Variants in MAGI2 observed in about 807,000 individuals in gnomAD.
MAGI2 encodes membrane associated guanylate kinase, WW and PDZ domain containing 2.
In MAGI2, 35 loss-of-function variants were observed where a neutral mutation model predicts 133.3. The ratio of observed to expected loss-of-function variants is 0.26; its 90% CI spans 0.20 to 0.35. The LOEUF (loss-of-function observed/expected upper bound fraction) is 0.35, where lower values mean the gene tolerates loss of function less well. Ranked by LOEUF, MAGI2 falls within the 10% of genes least tolerant of loss-of-function variation. The probability of loss-of-function intolerance (pLI) is 1.00; values close to 1 mark genes in which losing one functional copy is unlikely to be tolerated. For missense variants in MAGI2, 1,636 were observed against 1,863.4 expected, an observed-to-expected ratio of 0.88 and a Z score of 2.25; for synonymous variants, 729 against 710.6, an observed-to-expected ratio of 1.03 and a Z score of -0.41.
intron 1 of MAGI2, among the ~76,000 whole-genome samples, chr7:79,133,809 C>T (rs1039551321): frequency 6.6e-6 from 1 of 152,170 alleles, no homozygotes; most frequent in African/African-American, 2.4e-5. Context: ...GATACCCGCT[C>T]AAAGTGAGCA....
chr7:78,885,433 A>G (rs749805242), intron 2 of MAGI2, among the ~76,000 whole-genome samples: 1 of 152,184 alleles, frequency 6.6e-6, no homozygotes, highest in Non-Finnish European at 1.5e-5. Flanking sequence ...GATCCTTTCA[A>G]TGTGTCTTAC....
At chr7:79,010,790 T>G (rs1808004800) in intron 1 of MAGI2, 2 of 152,136 alleles carry the variant, frequency 1.3e-5, no homozygotes, top group African/African-American at 4.8e-5. Flanking sequence ...AAATTTTATT[T>G]CCTGTATTTT....
intron 11 of MAGI2, 149 bp downstream of exon 11, chr7:78,201,013 A>G (rs1219129749): frequency 7.0e-6 from 4 of 567,968 alleles, no homozygotes; most frequent in Non-Finnish European, 1.2e-5. Context: ...GGACAGATAC[A>G]AGACAAAAGG....
chr7:78,782,517 C>T (rs891133864), intron 2 of MAGI2, among the ~76,000 whole-genome samples: 6 of 151,942 alleles, frequency 3.9e-5, no homozygotes, highest in Non-Finnish European at 7.4e-5. Flanking sequence ...TTTAGGGATC[C>T]CCTAGGGCAT....
chr7:78,506,735 A>G (rs188240352), intron 4 of MAGI2, among the ~76,000 whole-genome samples: 12 of 152,218 alleles, frequency 7.9e-5, no homozygotes, highest in African/African-American at 2.7e-4. Flanking sequence ...ACTGGCTGCC[A>G]GTTACGGCAG....
At chr7:78,165,985 G>T (rs1825584364) in intron 15 of MAGI2, among the ~76,000 whole-genome samples, 1 of 152,152 alleles carries the variant, frequency 6.6e-6, no homozygotes, top group Admixed American at 6.5e-5. Context: ...GGAAGAGTGG[G>T]CTGAATAAAC....
At chr7:79,264,210 T>C (rs902253483) in intron 1 of MAGI2, among the ~76,000 whole-genome samples, 8 of 152,238 alleles carry the variant, frequency 5.3e-5, no homozygotes, top group Admixed American at 3.9e-4. Context: ...TTGTGGCTGC[T>C]GTTTTAGATA....
intron 2 of MAGI2, among the ~76,000 whole-genome samples, chr7:78,926,285 A>G (rs1799686230): frequency 6.6e-6 from 1 of 152,008 alleles, no homozygotes; most frequent in African/African-American, 2.4e-5. Context: ...TTCTCTCCCC[A>G]TTTCCAGAAC....
In MAGI2 at chr7:78,190,443, G is replaced by T. The variant is rs73703718; in HGVS notation, c.2269+4431C>A. ...TAATGATGATTATTCCTTGAATAGAGTATATAAAAAAGGAAAATTTTATAA... is the reference window on the plus strand; with the variant it reads ...TAATGATGATTATTCCTTGAATAGATTATATAAAAAAGGAAAATTTTATAA... On this transcript the variant is annotated intron_variant, in intron 12 of 21. Coordinates refer to ENST00000354212, the MANE Select transcript of MAGI2 (RefSeq NM_012301.4). Among the ~76,000 whole-genome samples the T allele has an allele frequency of 4.0e-3, 609 of 152,234 alleles. 1 individual carries two copies. The highest frequency in any genetic ancestry group is 0.014 in the African/African-American group (578 of 41,550).
At position 78,343,845 on chromosome 7, in the gene MAGI2, A is replaced by C; in HGVS notation, c.1341T>G (p.Asp447Glu). 3 of 1,613,066 alleles carry C rather than the reference A, an allele frequency of 1.9e-6. No homozygotes were observed. The highest frequency in any genetic ancestry group is 2.5e-6 in the Non-Finnish European group (3 of 1,179,626). The change falls in exon 9 of 22, where the codon GAT becomes GAG. Residue 447 changes from aspartate to glutamate, a missense_variant. Physicochemically the swap from Asp to Glu is conservative, Grantham distance 45 (BLOSUM62 2). Around this residue, in one of 5 missense-constraint regions of MAGI2, gnomAD observed 920 missense variants for 1,093.5 expected, o/e 0.84. Transcript: ENST00000354212. ...GFTIIGGDEP[D>E]EFLQVKSVIP... ...TCACACTTTTCACCTGCAGAAACTC[A>C]TCAGGCTCGTCTCCACCAATGATGG...
At chr7:78,155,680 G>A (rs946109320) in intron 16 of MAGI2, among the ~76,000 whole-genome samples, 2 of 152,098 alleles carry the variant, frequency 1.3e-5, no homozygotes, top group African/African-American at 4.8e-5. Flanking sequence ...CTGCACTACA[G>A]ATAGAAAGCT....
At chr7:78,113,720 TTAA>T (rs1036456211) in intron 20 of MAGI2, among the ~76,000 whole-genome samples, 5 of 152,318 alleles carry the variant, frequency 3.3e-5, no homozygotes, top group African/African-American at 1.2e-4. Flanking sequence ...ACAAAATCAC[TTAA>T]TAATGCATTT....
At chr7:78,108,911 G>A (rs954207196) in intron 20 of MAGI2, among the ~76,000 whole-genome samples, 2 of 151,368 alleles carry the variant, frequency 1.3e-5, no homozygotes, top group Non-Finnish European at 2.9e-5. Flanking sequence ...TATATACATC[G>A]TGTGTGTCCT....
intron 10 of MAGI2, among the ~76,000 whole-genome samples, chr7:78,241,620 T>C (rs1036058737): frequency 1.5e-4 from 23 of 152,264 alleles, no homozygotes; most frequent in African/African-American, 5.5e-4. Context: ...ATAAATCACA[T>C]CACTATATCA....
At chr7:78,943,346 C>T (rs1168869361) in intron 2 of MAGI2, among the ~76,000 whole-genome samples, 1 of 152,064 alleles carries the variant, frequency 6.6e-6, no homozygotes, top group Non-Finnish European at 1.5e-5. Flanking sequence ...TTGGGATTTT[C>T]ATATGGGTTA....
chr7:78,844,254 T>G (rs1792395123), intron 2 of MAGI2, among the ~76,000 whole-genome samples: 1 of 151,676 alleles, frequency 6.6e-6, no homozygotes, highest in African/African-American at 2.4e-5. Flanking sequence ...TTTGATCTGC[T>G]TTTCACTTAA....
intron 1 of MAGI2, among the ~76,000 whole-genome samples, chr7:79,153,498 G>A (rs2129547162): frequency 6.6e-6 from 1 of 152,310 alleles, no homozygotes; most frequent in African/African-American, 2.4e-5. Context: ...TCTAGTCACA[G>A]AGAGAGCAGG....
At chr7:79,440,691 G>A (rs1176529745) in intron 1 of MAGI2, among the ~76,000 whole-genome samples, 2 of 151,998 alleles carry the variant, frequency 1.3e-5, no homozygotes, top group East Asian at 3.9e-4. Context: ...ATATAAATAG[G>A]TTTACATAAG....
At position 78,024,684 on chromosome 7, in the gene MAGI2, A is replaced by G. The variant is rs557252852; in HGVS notation, c.3707-4708T>C. Among the ~76,000 whole-genome samples, 67 of 152,354 alleles carry G rather than the reference A, an allele frequency of 4.4e-4. 2 individuals are homozygous for G. Among genetic ancestry groups the G allele is most frequent in the African/African-American group, 1.3e-3 (52 of 41,576 alleles). On this transcript the variant is annotated intron_variant, in intron 21 of 21. Coordinates refer to ENST00000354212, the MANE Select transcript of MAGI2 (RefSeq NM_012301.4). ...ATGCAACCAATGTGGGCTGCTGAAG[A>G]CACAATTGAAAGAGGGCCACGTGTG...
Sources: allele counts gnomAD v4.1 joint callset (sites outside exome capture counted in the v4.1 genomes callset), GRCh38; gene constraint gnomAD v4.1.1; regional missense constraint gnomAD v4.1.1; transcripts MANE v1.5; gene names NCBI Gene and HGNC (gene_info 2026-07-23, HGNC 2026-07-21).